Variants in ASTN2 observed in about 807,000 individuals in gnomAD.
The protein encoded by ASTN2 is astrotactin-2.
ASTN2 carries 54 observed loss-of-function variants against 139.8 expected under a neutral mutation model. The ratio of observed to expected loss-of-function variants is 0.39; its 90% confidence interval spans 0.31 to 0.48. ASTN2 has a LOEUF of 0.48. Ranked by LOEUF, ASTN2 falls within the 20% of genes least tolerant of loss-of-function variation. ASTN2 has a pLI of 0.95. For synonymous variants in ASTN2, 756 were observed against 719.5 expected, an observed-to-expected ratio of 1.05 and a Z score of -0.81; for missense variants, 1,565 against 1,725.1, an observed-to-expected ratio of 0.91 and a Z score of 1.64.
chr9:116,937,567 T>C (rs368155574), intron 10 of ASTN2, among the ~76,000 whole-genome samples: 2 of 152,174 alleles, frequency 1.3e-5, no homozygotes, highest in East Asian at 3.9e-4. Flanking sequence ...ACATAATGAG[T>C]AGGCCTTCCA....
At chr9:117,065,784 G>C (rs1272981236) in intron 5 of ASTN2, among the ~76,000 whole-genome samples, 1 of 152,092 alleles carries the variant, frequency 6.6e-6, no homozygotes, top group Non-Finnish European at 1.5e-5. Context: ...CTAACTTGAA[G>C]TCTATTAAAG....
At chr9:116,694,692 C>T (rs970827391) in intron 16 of ASTN2, among the ~76,000 whole-genome samples, 10 of 148,866 alleles carry the variant, frequency 6.7e-5, no homozygotes, top group Middle Eastern at 3.3e-3. Flanking sequence ...AGGATGGTCT[C>T]GATCTCCTGA....
At chr9:117,052,480 T>C (rs1838943350) in intron 5 of ASTN2, among the ~76,000 whole-genome samples, 1 of 150,394 alleles carries the variant, frequency 6.6e-6, no homozygotes. Flanking sequence ...TTAAATAGCA[T>C]GACATGCACT....
chr9:117,129,373 T>C (rs1416181887), intron 4 of ASTN2, among the ~76,000 whole-genome samples: 1 of 152,124 alleles, frequency 6.6e-6, no homozygotes, highest in Non-Finnish European at 1.5e-5. Context: ...TTCAGACAGA[T>C]AAAAATTAAA....
intron 19 of ASTN2, among the ~76,000 whole-genome samples, chr9:116,579,804 G>A (rs1038076172): frequency 6.6e-6 from 1 of 152,128 alleles, no homozygotes; most frequent in Non-Finnish European, 1.5e-5. Flanking sequence ...CCCCCTCACT[G>A]GCCCTAAGTC....
chr9:116,976,046 G>A, intron 9 of ASTN2, 68 bp downstream of exon 9: 1 of 1,470,716 alleles, frequency 6.8e-7, no homozygotes, highest in Non-Finnish European at 9.5e-7. Flanking sequence ...AAGGATCCAT[G>A]ACCACATCTT....
chr9:117,072,893 G>T (rs1828173883), intron 5 of ASTN2, among the ~76,000 whole-genome samples: 1 of 152,162 alleles, frequency 6.6e-6, no homozygotes, highest in Non-Finnish European at 1.5e-5. Context: ...AAACATGGAG[G>T]TATGGACAAA....
chr9:116,569,410 T>G (rs1248839588), intron 19 of ASTN2, among the ~76,000 whole-genome samples: 1 of 152,244 alleles, frequency 6.6e-6, no homozygotes, highest in African/African-American at 2.4e-5. Flanking sequence ...GCTGTTATGA[T>G]TATCAATCAA....
At chr9:116,524,392 C>G (rs140293084) in intron 19 of ASTN2, among the ~76,000 whole-genome samples, 151 of 152,124 alleles carry the variant, frequency 9.9e-4, no homozygotes, top group African/African-American at 3.3e-3. Context: ...GAAAATGTTT[C>G]CATGGGAAAA....
chr9:116,441,981 G>A (rs898705402), intron 21 of ASTN2, among the ~76,000 whole-genome samples: 11 of 152,206 alleles, frequency 7.2e-5, no homozygotes, highest in African/African-American at 2.7e-4. Flanking sequence ...AGGATTCTGA[G>A]ACCACCATGG....
chr9:117,379,414 G>A (rs1035189385), intron 1 of ASTN2, among the ~76,000 whole-genome samples: 5 of 152,134 alleles, frequency 3.3e-5, no homozygotes, highest in African/African-American at 1.2e-4. Flanking sequence ...AGAAGAGGCA[G>A]CCTTGACAAG....
chr9:116,967,399 T>C (rs551148608), intron 10 of ASTN2, among the ~76,000 whole-genome samples: 1 of 152,250 alleles, frequency 6.6e-6, no homozygotes, highest in Admixed American at 6.5e-5. Flanking sequence ...TTCAAGCAGG[T>C]AAGTGGGTTC....
intron 22 of ASTN2, among the ~76,000 whole-genome samples, chr9:116,438,342 C>G (rs1788339651): frequency 6.6e-6 from 1 of 152,124 alleles, no homozygotes; most frequent in Admixed American, 6.5e-5. Context: ...TTACCATTAC[C>G]CTAAGGAGAT....
At chr9:116,956,499 T>C (rs1355917107) in intron 10 of ASTN2, among the ~76,000 whole-genome samples, 2 of 148,844 alleles carry the variant, frequency 1.3e-5, no homozygotes, top group Non-Finnish European at 3.0e-5. Context: ...ATATCAAACT[T>C]ACAGAACAGT....
At chr9:116,433,106 G>T (rs557440986) in intron 22 of ASTN2, among the ~76,000 whole-genome samples, 44 of 152,290 alleles carry the variant, frequency 2.9e-4, no homozygotes, top group African/African-American at 1.0e-3. Context: ...TGGACCTAAA[G>T]AAATAATCAG....
At chr9:117,123,448 T>A (rs1829610441) in intron 4 of ASTN2, among the ~76,000 whole-genome samples, 1 of 152,084 alleles carries the variant, frequency 6.6e-6, no homozygotes, top group African/African-American at 2.4e-5. Flanking sequence ...GAGCCAAAAT[T>A]TTCTCACCTG....
chr9:117,214,736 G>T lies in ASTN2; in HGVS notation c.637C>A (p.Leu213Ile). The stretch of plus-strand genomic sequence containing the variant: ...AGCAGCAGCAGCAGCAGCGCGATGA[G>T]GCCACCCTGGAGCAGGAAGGAAGGA... ...HILHISVMGG[L>I]IALLLLLLVF... Residue 213 changes from leucine to isoleucine, a missense_variant, in exon 3 of 23, where the codon CTC becomes ATC. This residue lies in a region of ASTN2 where 596 missense variants were observed against 576.8 expected (regional missense o/e 1.03). Coordinates refer to ENST00000313400, the MANE Select transcript of ASTN2 (RefSeq NM_001365068.1). 1 of 1,496,246 alleles carries T rather than the reference G, an allele frequency of 6.7e-7. No homozygotes were observed. Among genetic ancestry groups the T allele is most frequent in the Non-Finnish European group, 8.9e-7 (1 of 1,122,428 alleles). 92.7% of individuals were successfully genotyped at this position (1,496,246 alleles called of 1,614,324 possible).
At chr9:116,781,803 C>T (rs1437488074) in intron 13 of ASTN2, among the ~76,000 whole-genome samples, 1 of 151,860 alleles carries the variant, frequency 6.6e-6, no homozygotes, top group Non-Finnish European at 1.5e-5. Flanking sequence ...GGGCCAGATA[C>T]CTGCAGTTCT....
intron 16 of ASTN2, among the ~76,000 whole-genome samples, chr9:116,672,325 C>T (rs1564195896): frequency 6.6e-6 from 1 of 151,406 alleles, no homozygotes. Context: ...GAGATCATGA[C>T]ACTGCACTCC....
Sources: allele counts gnomAD v4.1 joint callset (sites outside exome capture counted in the v4.1 genomes callset), GRCh38; gene constraint gnomAD v4.1.1; regional missense constraint gnomAD v4.1.1; transcripts MANE v1.5; gene names NCBI Gene and HGNC (gene_info 2026-07-23, HGNC 2026-07-21).